MYCBP2: variants seen among roughly 807,000 people sequenced by gnomAD.
MYCBP2 encodes E3 ubiquitin-protein ligase MYCBP2.
Under a neutral mutation model 525.3 loss-of-function variants are expected in MYCBP2, and 120 were observed. The ratio of observed to expected loss-of-function variants is 0.23; its 90% CI spans 0.20 to 0.27. MYCBP2 has a LOEUF of 0.27. Ranked by LOEUF, MYCBP2 falls within the 10% of genes least tolerant of loss-of-function variation. The probability of loss-of-function intolerance (pLI) is 1.00; values close to 1 mark genes in which losing one functional copy is unlikely to be tolerated. For missense variants in MYCBP2, 4,149 were observed against 5,657.1 expected, an observed-to-expected ratio of 0.73 and a Z score of 8.55; for synonymous variants, 1,894 against 1,955.8, an observed-to-expected ratio of 0.97 and a Z score of 0.83.
At chr13:77,119,478 T>C (rs1263041669) in intron 55 of MYCBP2, among the ~76,000 whole-genome samples, 1 of 151,992 alleles carries the variant, frequency 6.6e-6, no homozygotes, top group Non-Finnish European at 1.5e-5. Flanking sequence ...AAATAATAAA[T>C]AAATGCTGTA....
intron 68 of MYCBP2, among the ~76,000 whole-genome samples, chr13:77,071,830 C>A (rs189062384): frequency 5.0e-4 from 76 of 152,214 alleles, no homozygotes; most frequent in African/African-American, 1.8e-3. Flanking sequence ...AGGCCAGAAT[C>A]CAAATCTTAA....
At chr13:77,290,476 T>A (rs929954072) in intron 2 of MYCBP2, among the ~76,000 whole-genome samples, 3 of 152,222 alleles carry the variant, frequency 2.0e-5, no homozygotes, top group Non-Finnish European at 4.4e-5. Flanking sequence ...TATCTTTTAA[T>A]GGGTAAATGG....
intron 8 of MYCBP2, among the ~76,000 whole-genome samples, 154 bp downstream of exon 8, chr13:77,267,687 C>T (rs1240552313): frequency 2.6e-5 from 4 of 152,174 alleles, no homozygotes; most frequent in African/African-American, 7.2e-5. Context: ...ATTAACTTCA[C>T]GTAGACTATA....
Position 77,327,063 on chromosome 13 carries a change from A to C in MYCBP2, c.-288T>G. 1 of 436,760 alleles carries C rather than the reference A, an allele frequency of 2.3e-6. No individual in the cohort carries two copies. The allele number at this position is 436,760 out of a possible 1,614,324, so 27.1% of individuals were successfully genotyped here. A position where few individuals can be genotyped will look rare whatever the true frequency, so the allele number is the denominator to read the frequency against. On this transcript the variant is annotated 5_prime_UTR_variant, in exon 1 of 83. Coordinates refer to ENST00000544440, the MANE Select transcript of MYCBP2 (RefSeq NM_015057.5). The stretch of plus-strand genomic sequence containing the variant: ...CGCCGCCACCACCGCTACCACCGCC[A>C]CCACCGCCGGGGCTACCCGCAATGG...
Position 77,139,353 on chromosome 13 carries a change from C to G in MYCBP2, c.7519-17G>C, listed in dbSNP as rs1182494525. 8 of 1,606,050 alleles carry G rather than the reference C, an allele frequency of 5.0e-6. No individual in the cohort carries two copies. The South Asian group carries it at 8.9e-5, about 18-fold the overall frequency. ...ATTATGGATCTATAGAAAAAAGCAA[C>G]AGAAACAAGCCAGGCCTTCCTGTAA... On this transcript the variant is annotated splice_polypyrimidine_tract_variant and intron_variant, in intron 51 of 82. Transcript: ENST00000544440.
Position 77,206,440 on chromosome 13 carries a change from A to C in MYCBP2, c.3589+213T>G, listed in dbSNP as rs554899957. 1.7e-4 allele frequency among the ~76,000 whole-genome samples: 26 copies of C among 152,122 alleles called. No individual in the cohort carries two copies. In the East Asian group the frequency reaches 4.2e-3, roughly 25 times the overall value. ...AAGGGTCTACCTCTGTGAAAATTAA[A>C]TAATTGGGCATACATAAATCTTTGA... is the stretch of plus-strand genomic sequence containing the variant. On this transcript the variant is annotated intron_variant, in intron 24 of 82. Transcript: ENST00000544440.
intron 82 of MYCBP2, among the ~76,000 whole-genome samples, chr13:77,050,248 C>G (rs2036501607): frequency 6.6e-6 from 1 of 152,152 alleles, no homozygotes; most frequent in Admixed American, 6.5e-5. Context: ...CACTTGCACT[C>G]TGATAGGCAG....
intron 82 of MYCBP2, among the ~76,000 whole-genome samples, chr13:77,045,772 T>G (rs1327755572): frequency 6.6e-6 from 1 of 152,178 alleles, no homozygotes; most frequent in Non-Finnish European, 1.5e-5. Flanking sequence ...CTTTTTCTAT[T>G]AATAAATGCA....
At chr13:77,298,327 A>C (rs1207362243) in intron 1 of MYCBP2, among the ~76,000 whole-genome samples, 1 of 152,214 alleles carries the variant, frequency 6.6e-6, no homozygotes, top group African/African-American at 2.4e-5. Context: ...ACACTGGATG[A>C]GTTTCCCTAA....
intron 26 of MYCBP2, among the ~76,000 whole-genome samples, chr13:77,203,783 C>T (rs1433094537): frequency 6.6e-6 from 1 of 151,908 alleles, no homozygotes; most frequent in Admixed American, 6.6e-5. Context: ...CTGAGAAAAA[C>T]AAGAAATGGG....
intron 18 of MYCBP2, among the ~76,000 whole-genome samples, chr13:77,226,487 T>C (rs929425916): frequency 1.3e-5 from 2 of 152,188 alleles, no homozygotes; most frequent in African/African-American, 4.8e-5. Flanking sequence ...GTACACAGAA[T>C]AAATGTAAAT....
Position 77,186,193 on chromosome 13 carries a change from A to T in MYCBP2, c.4252-130T>A, listed in dbSNP as rs547240724. 1.7e-4 allele frequency: 102 copies of T among 608,596 alleles called. No homozygotes were observed. In the African/African-American group the frequency reaches 1.7e-3, roughly 10 times the overall value. The allele number at this position is 608,596 out of a possible 1,614,324, so 37.7% of individuals were successfully genotyped here. On this transcript the variant is annotated intron_variant, in intron 30 of 82. Transcript: ENST00000544440. ...TTTTTTTACTGAGTTTTTTAATTGA[A>T]TTTTTTTTACTGAGCCCAAGACACT...
At chr13:77,053,723 G>A (rs907688825) in intron 80 of MYCBP2, among the ~76,000 whole-genome samples, 17 of 152,172 alleles carry the variant, frequency 1.1e-4, no homozygotes, top group Admixed American at 7.9e-4. Flanking sequence ...TATTGGGTGT[G>A]CATGTATTTA....
At chr13:77,218,042 T>C in intron 20 of MYCBP2, 85 bp from the exon 21 acceptor site, 1 of 861,990 alleles carries the variant, frequency 1.2e-6, no homozygotes, top group Non-Finnish European at 1.8e-6. Flanking sequence ...CAACAAGGAG[T>C]AGGAAAGATA....
chr13:77,170,058 T>C (rs1184500587), intron 38 of MYCBP2, among the ~76,000 whole-genome samples: 1 of 152,226 alleles, frequency 6.6e-6, no homozygotes, highest in African/African-American at 2.4e-5. Context: ...GAGTCTTTAT[T>C]TTAAATTACC....
chr13:77,217,370 C>A (rs1458318609), intron 21 of MYCBP2, among the ~76,000 whole-genome samples: 1 of 151,794 alleles, frequency 6.6e-6, no homozygotes, highest in African/African-American at 2.4e-5. Context: ...TGTGCACAAG[C>A]GCCTATGTAA....
intron 23 of MYCBP2, among the ~76,000 whole-genome samples, chr13:77,210,499 A>G (rs952426221): frequency 5.3e-5 from 8 of 152,322 alleles, no homozygotes; most frequent in Middle Eastern, 3.4e-3. Flanking sequence ...GCCCAGCACC[A>G]CAATAAATTT....
At chr13:77,071,296 CACACACACACACAA>C (rs2041225364) in intron 68 of MYCBP2, among the ~76,000 whole-genome samples, 1 of 151,938 alleles carries the variant, frequency 6.6e-6, no homozygotes, top group African/African-American at 2.4e-5. Flanking sequence ...CACACACACA[CACACACACACACAA>C]ATCTTATCTA....
intron 1 of MYCBP2, among the ~76,000 whole-genome samples, chr13:77,311,583 T>G (rs2080237634): frequency 6.7e-6 from 1 of 149,748 alleles, no homozygotes; most frequent in African/African-American, 2.5e-5. Context: ...TTTTTTGTTT[T>G]TTTTTTAAAG....
Sources: allele counts gnomAD v4.1 joint callset (sites outside exome capture counted in the v4.1 genomes callset), GRCh38; gene constraint gnomAD v4.1.1; transcripts MANE v1.5; gene names NCBI Gene and HGNC (gene_info 2026-07-23, HGNC 2026-07-21).